The following COG6 variants were observed in gnomAD, a reference collection of about 807,000 sequenced individuals.
COG6 encodes the protein conserved oligomeric Golgi complex subunit 6.
Under a neutral mutation model 88.8 loss-of-function variants are expected in COG6, and 74 were observed. The ratio of observed to expected loss-of-function variants is 0.83; its 90% confidence interval spans 0.69 to 1.01. COG6 has a LOEUF of 1.01. COG6 is among the 50% of genes least tolerant of loss of function. The probability of loss-of-function intolerance (pLI) is 0.00; values close to 1 mark genes in which losing one functional copy is unlikely to be tolerated. For missense variants in COG6, 800 were observed against 797.9 expected, an observed-to-expected ratio of 1.00 and a Z score of -0.03; for synonymous variants, 286 against 278.7, an observed-to-expected ratio of 1.03 and a Z score of -0.26.
intron 13 of COG6, among the ~76,000 whole-genome samples, chr13:39,709,390 C>T (rs1465268849): frequency 6.6e-6 from 1 of 151,984 alleles, no homozygotes; most frequent in Non-Finnish European, 1.5e-5. Context: ...GTGTAATCAT[C>T]ACCTGAGTAC....
rs1880280748 is a variant in COG6, at chr13:39,745,283, C to CT, written c.1827-5662dup. ...AAGAGCTTCTGCACAGCAAAAGAAA[C>CT]TACCATCAGAGTGAACAGGCAACCT... is the stretch of plus-strand genomic sequence containing the variant. On this transcript the variant is annotated intron_variant, in intron 18 of 18. Transcript: ENST00000455146. 2.0e-5 allele frequency among the ~76,000 whole-genome samples: 3 copies of CT among 152,216 alleles called. No individual in the cohort carries two copies. The East Asian group carries it at 5.8e-4, about 29-fold the overall frequency.
In COG6 at chr13:39,751,235, T is replaced by G. The variant is rs749578131; in HGVS notation, c.*142T>G. ...GATTGTAAGTCCCGATAATTTTTTT[T>G]TTTTTGGTCTCAGTAACAGGGAAGT... On this transcript the variant is annotated 3_prime_UTR_variant, in exon 19 of 19. Transcript: ENST00000455146. 2 of 1,516,764 alleles carry G rather than the reference T, an allele frequency of 1.3e-6. No individual in the cohort carries two copies. The highest frequency in any genetic ancestry group is 1.3e-5 in the South Asian group (1 of 79,404). 94.0% of individuals were successfully genotyped at this position (1,516,764 alleles called of 1,614,324 possible).
intron 13 of COG6, among the ~76,000 whole-genome samples, chr13:39,701,897 A>G (rs1593436395): frequency 1.3e-5 from 2 of 152,118 alleles, no homozygotes; most frequent in African/African-American, 4.8e-5. Flanking sequence ...AAAGGATGGA[A>G]TTAAATTTCC....
intron 13 of COG6, among the ~76,000 whole-genome samples, chr13:39,704,350 GC>G (rs1877764613): frequency 6.6e-6 from 1 of 152,102 alleles, no homozygotes; most frequent in African/African-American, 2.4e-5. Flanking sequence ...TGGATGCCTT[GC>G]TAATAACATA....
intron 4 of COG6, among the ~76,000 whole-genome samples, chr13:39,670,158 G>A (rs1875537245): frequency 6.6e-6 from 1 of 152,094 alleles, no homozygotes; most frequent in Non-Finnish European, 1.5e-5. Context: ...AAAGCTTAAT[G>A]TAGAATTTTA....
chr13:39,739,120 T>G (rs999179524), intron 18 of COG6, among the ~76,000 whole-genome samples: 1 of 152,012 alleles, frequency 6.6e-6, no homozygotes. Context: ...AATGTAAGAA[T>G]GAGCAAAAAA....
At chr13:39,748,578 G>C (rs1210345285) in intron 18 of COG6, among the ~76,000 whole-genome samples, 1 of 151,718 alleles carries the variant, frequency 6.6e-6, no homozygotes, top group Admixed American at 6.6e-5. Context: ...TCATGCCACT[G>C]CACTCCAGCC....
intron 15 of COG6, among the ~76,000 whole-genome samples, chr13:39,720,179 A>G (rs1278961092): frequency 2.0e-5 from 3 of 152,128 alleles, no homozygotes; most frequent in South Asian, 4.1e-4. Flanking sequence ...TGAACTGTGA[A>G]TAATATGCTA....
intron 4 of COG6, among the ~76,000 whole-genome samples, chr13:39,671,170 G>A (rs1875609000): frequency 6.6e-6 from 1 of 151,902 alleles, no homozygotes; most frequent in African/African-American, 2.4e-5. Flanking sequence ...AAAATTTGGG[G>A]GTAAGGCACA....
At chr13:39,701,513 C>T (rs573384090) in intron 13 of COG6, among the ~76,000 whole-genome samples, 8 of 151,834 alleles carry the variant, frequency 5.3e-5, no homozygotes, top group African/African-American at 1.7e-4. Context: ...GAAGGAAAAA[C>T]GTCAACAGTA....
chr13:39,698,413 G>A (rs1877393300), intron 12 of COG6, among the ~76,000 whole-genome samples: 1 of 151,826 alleles, frequency 6.6e-6, no homozygotes, highest in Non-Finnish European at 1.5e-5. Flanking sequence ...TAAAATATAA[G>A]TATTATGGCT....
chr13:39,787,036 T>C lies in COG6; in HGVS notation c.1827-1299T>C, dbSNP rs1047612138. 3.9e-5 allele frequency among the ~76,000 whole-genome samples: 6 copies of C among 152,278 alleles called. No individual in the cohort carries two copies. In the East Asian group the frequency reaches 1.2e-3, roughly 29 times the overall value. The stretch of plus-strand genomic sequence containing the variant: ...TTTTGAGAAATTTACAGATGGGAAA[T>C]GGAAGGCACCACAAGTCTGCTGGTT... On this transcript the variant is annotated intron_variant, in intron 18 of 18. Transcript: ENST00000416691.
At chr13:39,663,943 T>C (rs1593406951) in intron 3 of COG6, 1 of 152,852 alleles carries the variant, frequency 6.5e-6, no homozygotes, top group Admixed American at 6.5e-5. Context: ...GTTCAAATTG[T>C]TTTCTTAAAA....
intron 13 of COG6, among the ~76,000 whole-genome samples, chr13:39,710,150 A>G (rs969126024): frequency 3.3e-5 from 5 of 152,100 alleles, no homozygotes; most frequent in African/African-American, 1.2e-4. Context: ...CTCTCCATTT[A>G]CTTAGGTCTT....
At chr13:39,715,412 C>T (rs964514364) in intron 13 of COG6, among the ~76,000 whole-genome samples, 5 of 151,998 alleles carry the variant, frequency 3.3e-5, no homozygotes, top group African/African-American at 1.2e-4. Flanking sequence ...CCTCATCTAG[C>T]TTCCCTGGAG....
At chr13:39,674,261 T>C (rs1566174096) in intron 4 of COG6, among the ~76,000 whole-genome samples, 2 of 146,004 alleles carry the variant, frequency 1.4e-5, no homozygotes, top group Admixed American at 6.9e-5. Flanking sequence ...AATTTACATA[T>C]CATCGAATAG....
intron 4 of COG6, among the ~76,000 whole-genome samples, chr13:39,674,223 C>T (rs1425938103): frequency 6.6e-6 from 1 of 151,122 alleles, no homozygotes; most frequent in Non-Finnish European, 1.5e-5. Context: ...CCCCCTACCC[C>T]ACGACAGGCC....
Position 39,736,194 on chromosome 13 carries a change from T to TA in COG6, c.1826+8647dup, listed in dbSNP as rs1348856336. On this transcript the variant is annotated intron_variant, in intron 18 of 18. Coordinates refer to ENST00000455146, the MANE Select transcript of COG6 (RefSeq NM_020751.3). Reference sequence around the variant, plus strand: ...TGTATGTGTGCTTCATTTTTTTTTTTATTCCTTTTTCTTTTGTCTCCTCTT... The same window carrying TA: ...TGTATGTGTGCTTCATTTTTTTTTTTAATTCCTTTTTCTTTTGTCTCCTCTT... Among the ~76,000 whole-genome samples, 3 of 152,168 alleles carry TA rather than the reference T, an allele frequency of 2.0e-5. No individual in the cohort carries two copies. The East Asian group carries it at 5.8e-4, about 29-fold the overall frequency.
chr13:39,670,032 G>A (rs1875523798), intron 4 of COG6, among the ~76,000 whole-genome samples: 1 of 152,114 alleles, frequency 6.6e-6, no homozygotes, highest in Non-Finnish European at 1.5e-5. Flanking sequence ...TTCTATATGG[G>A]ATTATTTGAA....
Sources: gnomAD v4.1 joint callset for allele counts (sites outside exome capture counted in the v4.1 genomes callset) on GRCh38, gnomAD v4.1.1 for gene constraint, MANE v1.5 for transcripts, NCBI Gene and HGNC (gene_info 2026-07-23, HGNC 2026-07-21) for gene names.